Variants in CCDC30 observed in about 807,000 individuals in gnomAD.
CCDC30 encodes coiled-coil domain-containing protein 30.
CCDC30 carries 70 observed loss-of-function variants against 100.2 expected under a neutral mutation model. The ratio of observed to expected loss-of-function variants is 0.70; its 90% CI spans 0.58 to 0.85. CCDC30 has a LOEUF of 0.85. Among genes scored for constraint, CCDC30 ranks in the 40% least tolerant of loss-of-function variants. The pLI, the probability that CCDC30 is intolerant of heterozygous loss-of-function variation, is 0.00. For missense variants in CCDC30, 652 were observed against 771.2 expected (o/e 0.85, Z 1.83); for synonymous variants, 233 against 269.5 (o/e 0.86, Z 1.33).
chr1:42,592,976 A>G (rs1646216841), intron 10 of CCDC30: 1 of 152,176 alleles, frequency 6.6e-6, no homozygotes, highest in African/African-American at 2.4e-5. Flanking sequence ...TAGCAATGCA[A>G]AAATGGCCAA....
chr1:42,548,579 G>A (rs147696789), intron 6 of CCDC30, among the ~76,000 whole-genome samples: 22 of 152,240 alleles, frequency 1.4e-4, no homozygotes, highest in African/African-American at 5.3e-4. Context: ...TATATAAAAA[G>A]GAAAAGCTGG....
At chr1:42,587,106 G>A (rs903865380) in intron 9 of CCDC30, among the ~76,000 whole-genome samples, 3 of 151,876 alleles carry the variant, frequency 2.0e-5, no homozygotes, top group Non-Finnish European at 4.4e-5. Flanking sequence ...CAAGCACTTC[G>A]CCCACCTCAG....
chr1:42,514,302 C>T (rs1476044098), intron 6 of CCDC30, among the ~76,000 whole-genome samples: 1 of 152,130 alleles, frequency 6.6e-6, no homozygotes, highest in East Asian at 1.9e-4. Flanking sequence ...CTACATTTAA[C>T]CTTCTGAGGA....
intron 6 of CCDC30, among the ~76,000 whole-genome samples, chr1:42,550,729 G>T (rs1000142128): frequency 6.6e-6 from 1 of 152,176 alleles, no homozygotes; most frequent in Non-Finnish European, 1.5e-5. Context: ...ATTTGTTTGT[G>T]TGTTTGTTTC....
intron 6 of CCDC30, among the ~76,000 whole-genome samples, chr1:42,553,835 T>C (rs2148547232): frequency 6.6e-6 from 1 of 152,328 alleles, no homozygotes; most frequent in African/African-American, 2.4e-5. Flanking sequence ...TATCTCATAC[T>C]GTTTTGCATC....
At chr1:42,641,064 T>G (rs1647347638) in intron 12 of CCDC30, among the ~76,000 whole-genome samples, 1 of 152,032 alleles carries the variant, frequency 6.6e-6, no homozygotes, top group Non-Finnish European at 1.5e-5. Context: ...GAGACCAGCC[T>G]GAGCAACAGA....
At chr1:42,518,739 T>C (rs947347868) in intron 6 of CCDC30, among the ~76,000 whole-genome samples, 1 of 152,210 alleles carries the variant, frequency 6.6e-6, no homozygotes, top group African/African-American at 2.4e-5. Context: ...ATGACTGTAA[T>C]TTTACTTCTT....
chr1:42,530,479 TTAAAA>T (rs1319217015), intron 6 of CCDC30, among the ~76,000 whole-genome samples: 2 of 152,066 alleles, frequency 1.3e-5, no homozygotes, highest in African/African-American at 2.4e-5. Context: ...GTTGAAAATA[TTAAAA>T]TAAAAAATAA....
intron 7 of CCDC30, chr1:42,568,894 G>C (rs1190477749): frequency 6.7e-6 from 1 of 149,418 alleles, no homozygotes; most frequent in African/African-American, 2.5e-5. Context: ...AGTGAGCCAT[G>C]ATCGGGCCAC....
chr1:42,460,291 G>C, upstream of CCDC30: 1 of 1,004,336 alleles, frequency 1.0e-6, no homozygotes, highest in South Asian at 4.2e-5. Context: ...GCCTATGTAT[G>C]TCAGGCCCTG....
intron 8 of CCDC30, among the ~76,000 whole-genome samples, chr1:42,579,641 A>G (rs1645919297): frequency 1.3e-5 from 2 of 150,786 alleles, no homozygotes; most frequent in South Asian, 4.2e-4. Context: ...TCTCAAAAAG[A>G]GAGAGAGAGA....
intron 7 of CCDC30, among the ~76,000 whole-genome samples, chr1:42,570,525 G>T (rs1191643507): frequency 1.3e-5 from 2 of 151,830 alleles, no homozygotes; most frequent in African/African-American, 4.8e-5. Flanking sequence ...ATAGAACAAT[G>T]CCAGCACACT....
At chr1:42,538,877 G>A (rs1453028206) in intron 6 of CCDC30, among the ~76,000 whole-genome samples, 3 of 152,156 alleles carry the variant, frequency 2.0e-5, no homozygotes. Context: ...CATTGCCAAA[G>A]AATTTACCTG....
At chr1:42,620,499 T>C (rs563588167) in intron 11 of CCDC30, among the ~76,000 whole-genome samples, 6 of 150,910 alleles carry the variant, frequency 4.0e-5, no homozygotes, top group Non-Finnish European at 8.8e-5. Context: ...TGTGGGGAAA[T>C]ACCTACAGAC....
At chr1:42,577,040 T>C (rs1048104923) in exon 8 of CCDC30, 4 of 1,613,256 alleles carry the variant, frequency 2.5e-6, no homozygotes, top group Admixed American at 3.3e-5. Flanking sequence ...AACTAAAGCA[T>C]GCCCAACAGA....
intron 6 of CCDC30, 92 bp from the exon 8 acceptor site, chr1:42,539,081 C>G: frequency 1.9e-6 from 2 of 1,064,296 alleles, no homozygotes; most frequent in East Asian, 3.0e-5. Context: ...TTTGTCAGGA[C>G]CATTTCAAGA....
At chr1:42,569,453 C>A (rs1047651104) in intron 7 of CCDC30, among the ~76,000 whole-genome samples, 3 of 152,130 alleles carry the variant, frequency 2.0e-5, no homozygotes, top group Admixed American at 6.5e-5. Context: ...GTTAGAATGG[C>A]GATCATTAAA....
At chr1:42,607,023 G>T (rs1646515529) in intron 10 of CCDC30, among the ~76,000 whole-genome samples, 1 of 152,112 alleles carries the variant, frequency 6.6e-6, no homozygotes, top group Non-Finnish European at 1.5e-5. Flanking sequence ...TATAAGAAGG[G>T]CATATCTATA....
intron 6 of CCDC30, among the ~76,000 whole-genome samples, chr1:42,546,403 T>A (rs28639969): frequency 0.12 from 288 of 2,428 alleles, 61 homozygotes; most frequent in South Asian, 0.16. Context: ...AAAAAAAATA[T>A]ATATATATAT....
Sources: allele counts gnomAD v4.1 joint callset (sites outside exome capture counted in the v4.1 genomes callset), GRCh38; gene constraint gnomAD v4.1.1; transcripts MANE v1.5; gene names NCBI Gene and HGNC (gene_info 2026-07-23, HGNC 2026-07-21).